Variants in ACTC1 observed in about 807,000 individuals in gnomAD.
ACTC1 encodes the protein actin, alpha cardiac muscle 1.
Under a neutral mutation model 31.6 loss-of-function variants are expected in ACTC1, and 10 were observed. The observed-to-expected ratio is 0.32, with a 90% CI of 0.19 to 0.54. ACTC1 has a LOEUF of 0.54. Ranked by LOEUF, ACTC1 falls within the 20% of genes least tolerant of loss-of-function variation. The pLI, the probability that ACTC1 is intolerant of heterozygous loss-of-function variation, is 0.95. For missense variants in ACTC1, 129 were observed against 506.4 expected, an observed-to-expected ratio of 0.25 and a Z score of 7.15; for synonymous variants, 196 against 185.0, an observed-to-expected ratio of 1.06 and a Z score of -0.48.
At chr15:34,794,036 G>A (rs1891761644) in intron 2 of ACTC1, among the ~76,000 whole-genome samples, 2 of 152,226 alleles carry the variant, frequency 1.3e-5, no homozygotes, top group African/African-American at 4.8e-5. Flanking sequence ...AATTCAGCCT[G>A]TCCAGAGCTG....
In ACTC1 at chr15:34,793,600, T is replaced by C; in HGVS notation, c.130-31A>G. The stretch of plus-strand genomic sequence containing the variant: ...AGAAGAAAAAATGAGAAAATCATGC[T>C]CTCACCATGTCAGGAATATAATCAG... On this transcript the variant is annotated intron_variant, in intron 2 of 6. Coordinates refer to ENST00000290378, the MANE Select transcript of ACTC1 (RefSeq NM_005159.5). This position sits in a 1 kb window ranked among gnomAD's most constrained non-coding sequence, Gnocchi z 4.8. The C allele has an allele frequency of 6.3e-7, 1 of 1,590,528 alleles. No individual in the cohort carries two copies. The highest frequency in any genetic ancestry group is 8.6e-7 in the Non-Finnish European group (1 of 1,159,614).
rs897737681 is a variant in ACTC1 at position 34,793,104 on chromosome 15, A to T, written c.454+141T>A. On this transcript the variant is annotated intron_variant, in intron 3 of 6. Transcript: ENST00000290378. The surrounding 1 kb of genome is among the most constrained non-coding windows in gnomAD (Gnocchi z 4.8). Reference sequence around the variant, plus strand: ...AAACTAACCTCAGGGCACTACTGTTAACTCTTTCTCTTAGCACAGACCTTG... The same window carrying T: ...AAACTAACCTCAGGGCACTACTGTTTACTCTTTCTCTTAGCACAGACCTTG... 1.2e-6 allele frequency: 1 copy of T among 849,422 alleles called. No homozygotes were observed. Among genetic ancestry groups the T allele is most frequent in the Non-Finnish European group, 1.9e-6 (1 of 537,268 alleles). The allele number at this position is 849,422 out of a possible 1,614,324, so 52.6% of individuals were successfully genotyped here.
chr15:34,790,523 G>A lies in ACTC1; in HGVS notation c.1023C>T (p.Val341=). 2 of 1,614,132 alleles carry A rather than the reference G, an allele frequency of 1.2e-6. No homozygotes were observed. Among genetic ancestry groups the A allele is most frequent in the South Asian group, 2.2e-5 (2 of 91,088 alleles). The part of the protein sequence containing the change: ...IIAPPERKYS[V]WIGGSILASL... ...AGGCCAGGATGGAGCCCCCAATCCA[G>A]ACAGAGTATTTACGCTCAGGGGGAG... Residue 341 remains valine (V), a synonymous_variant, in exon 7 of 7, where the codon GTC becomes GTT. Coordinates refer to ENST00000290378, the MANE Select transcript of ACTC1 (RefSeq NM_005159.5).
In ACTC1 at chr15:34,793,240, C is replaced by CAT. The variant is rs1284809593; in HGVS notation, c.454+3_454+4dup. ...ATCAGTAACTGTCCCCAGAGCCCAG[C>CAT]ATACCTGTGGTACGGCCAGAAGCAT... On this transcript the variant is annotated splice_donor_region_variant and intron_variant, in intron 3 of 6. Transcript: ENST00000290378. The surrounding 1 kb of genome is among the most constrained non-coding windows in gnomAD (Gnocchi z 4.8). 6.2e-7 allele frequency: 1 copy of CAT among 1,613,850 alleles called. No homozygotes were observed. Among genetic ancestry groups the CAT allele is most frequent in the Non-Finnish European group, 8.5e-7 (1 of 1,179,868 alleles).
rs761756548 is a variant in ACTC1 at position 34,794,667 on chromosome 15, G to A, written c.129+13C>T. 4.3e-6 allele frequency: 7 copies of A among 1,610,254 alleles called. No homozygotes were observed. In the East Asian group the frequency reaches 1.3e-4, roughly 31 times the overall value. On this transcript the variant is annotated intron_variant, in intron 2 of 6. Transcript: ENST00000290378. ...GGTCCCGAGTGGGACGGGGGGCTCG[G>A]CGGGAAGTTTACCTGGTGCCGCGGG... is the stretch of plus-strand genomic sequence containing the variant.
Position 34,791,599 on chromosome 15 carries a change from C to T in ACTC1, c.809-304G>A, listed in dbSNP as rs62006139. ...ATGTATTGGAAAAGGAAAAGATACA[C>T]GTTTAAACTAAAATGAATGTAATTT... On this transcript the variant is annotated intron_variant, in intron 5 of 6. Coordinates refer to ENST00000290378, the MANE Select transcript of ACTC1 (RefSeq NM_005159.5). 0.2 allele frequency: 81,779 copies of T among 412,762 alleles called. 8,716 individuals carry two copies. Among genetic ancestry groups the T allele is most frequent in the South Asian group, 0.27 (7,566 of 27,912 alleles). The allele number at this position is 412,762 out of a possible 1,614,324, so 25.6% of individuals were successfully genotyped here.
In ACTC1 at chr15:34,793,375, T is replaced by C; in HGVS notation, c.324A>G (p.Thr108=). 6.2e-7 allele frequency: 1 copy of C among 1,614,158 alleles called. No homozygotes were observed. The highest frequency in any genetic ancestry group is 1.6e-4 in the Middle Eastern group (1 of 6,062). The change falls in exon 3 of 7, where the codon ACA becomes ACG. Residue 108 remains threonine, a synonymous_variant. Transcript: ENST00000290378. The surrounding 1 kb of genome is among the most constrained non-coding windows in gnomAD (Gnocchi z 4.8). The part of the protein sequence containing the change: ...VAPEEHPTLL[T]EAPLNPKANR... Reference sequence around the variant, plus strand: ...TGGCCTTGGGGTTCAGCGGGGCCTCTGTGAGCAGGGTGGGGTGCTCCTCGG... The same window carrying C: ...TGGCCTTGGGGTTCAGCGGGGCCTCCGTGAGCAGGGTGGGGTGCTCCTCGG...
rs763452221 is a variant in ACTC1, at chr15:34,794,677, T to C, written c.129+3A>G. The C allele has an allele frequency of 3.1e-6, 5 of 1,611,260 alleles. No homozygotes were observed. Among genetic ancestry groups the C allele is most frequent in the Non-Finnish European group, 4.2e-6 (5 of 1,178,572 alleles). On this transcript the variant is annotated splice_donor_region_variant and intron_variant, in intron 2 of 6. Transcript: ENST00000290378. ...GGGACGGGGGGCTCGGCGGGAAGTTTACCTGGTGCCGCGGGCGGCCCACGA... is the reference window on the plus strand; with the variant it reads ...GGGACGGGGGGCTCGGCGGGAAGTTCACCTGGTGCCGCGGGCGGCCCACGA...
chr15:34,793,002 G>A lies in ACTC1; in HGVS notation c.454+243C>T, dbSNP rs917685701. Among the ~76,000 whole-genome samples the A allele has an allele frequency of 3.3e-5, 5 of 152,128 alleles. 1 individual carries two copies. The South Asian group carries it at 1.0e-3, about 32-fold the overall frequency. On this transcript the variant is annotated intron_variant, in intron 3 of 6. Transcript: ENST00000290378. The surrounding 1 kb of genome is among the most constrained non-coding windows in gnomAD (Gnocchi z 4.8). ...AACAATGACTGCTGCACTCCAAGCT[G>A]CTACACTGCGCTGAGCTTTAAATGA...
rs2140430578 is a variant in ACTC1 at position 34,792,178 on chromosome 15, C to T, written c.720G>A (p.Lys240=). ...CTTGGCCATCAGGCAGTTCATAGCT[C>T]TTCTCCAGGGAGGAGGAAGAGGCAG... is the stretch of plus-strand genomic sequence containing the variant. The part of the protein sequence containing the change: ...ATAASSSSLE[K]SYELPDGQVI... Residue 240 remains lysine, a synonymous_variant, in exon 5 of 7, where the codon AAG becomes AAA. Coordinates refer to ENST00000290378, the MANE Select transcript of ACTC1 (RefSeq NM_005159.5). This position sits in a 1 kb window ranked among gnomAD's most constrained non-coding sequence, Gnocchi z 5.3. 6.2e-7 allele frequency: 1 copy of T among 1,614,248 alleles called. No individual in the cohort carries two copies. Among genetic ancestry groups the T allele is most frequent in the Non-Finnish European group, 8.5e-7 (1 of 1,180,036 alleles).
intron 1 of ACTC1, among the ~76,000 whole-genome samples, 174 bp from the exon 2 acceptor site, chr15:34,795,004 G>C (rs902914885): frequency 2.6e-5 from 4 of 152,176 alleles, no homozygotes; most frequent in African/African-American, 9.7e-5. Context: ...GAGGGAAGAA[G>C]CCGCGGAGGA....
rs749539033 is a variant in ACTC1 at position 34,792,393 on chromosome 15, GAC to G, written c.616+13_616+14del. 236 of 1,614,066 alleles carry G rather than the reference GAC, an allele frequency of 1.5e-4. No homozygotes were observed. The highest frequency in any genetic ancestry group is 1.9e-4 in the Non-Finnish European group (223 of 1,180,014). On this transcript the variant is annotated intron_variant, in intron 4 of 6. Transcript: ENST00000290378. This position sits in a 1 kb window ranked among gnomAD's most constrained non-coding sequence, Gnocchi z 5.3. ...AGCAGACCCACACTGTGGCAGATGAGACACACACACTCACCAGTGGTGACAAA... is the reference window on the plus strand; with the variant it reads ...AGCAGACCCACACTGTGGCAGATGAGACACACACTCACCAGTGGTGACAAA...
At chr15:34,794,958 C>G in intron 1 of ACTC1, 128 bp from the exon 2 acceptor site, 1 of 876,216 alleles carries the variant, frequency 1.1e-6, no homozygotes, top group Non-Finnish European at 1.7e-6. Flanking sequence ...GCGGGGAACA[C>G]TCCTGCCACC....
chr15:34,790,463 C>T lies in ACTC1; in HGVS notation c.1083G>A (p.Lys361=), dbSNP rs754736799. Residue 361 remains lysine, a synonymous_variant, in exon 7 of 7, where the codon AAG becomes AAA. Coordinates refer to ENST00000290378, the MANE Select transcript of ACTC1 (RefSeq NM_005159.5). ...ATGGGCCTGCCTCATCGTACTCTTG[C>T]TTGCTAATCCACATTTGCTGGAAGG... The part of the protein sequence containing the change: ...LSTFQQMWIS[K]QEYDEAGPSI... The T allele has an allele frequency of 6.2e-7, 1 of 1,614,190 alleles. No individual in the cohort carries two copies. The highest frequency in any genetic ancestry group is 1.7e-5 in the Admixed American group (1 of 60,024).
chr15:34,792,137 T>C lies in ACTC1; in HGVS notation c.761A>G (p.Asn254Ser). The C allele has an allele frequency of 6.2e-7, 1 of 1,614,228 alleles. No homozygotes were observed. The highest frequency in any genetic ancestry group is 1.1e-5 in the South Asian group (1 of 91,086). The change falls in exon 5 of 7, where the codon AAT becomes AGT. Residue 254 changes from asparagine to serine, a missense_variant. Transcript: ENST00000290378. The surrounding 1 kb of genome is among the most constrained non-coding windows in gnomAD (Gnocchi z 5.3). ...TGTCTCAGGACAGCGGAAGCGCTCA[T>C]TGCCAATAGTGATGACTTGGCCATC... ...LPDGQVITIG[N>S]ERFRCPETLF... is the part of the protein sequence containing the mutation.
In ACTC1 at chr15:34,792,682, G is replaced by A. The variant is rs1891729534; in HGVS notation, c.455-113C>T. The A allele has an allele frequency of 4.4e-6, 5 of 1,130,542 alleles. No individual in the cohort carries two copies. The highest frequency in any genetic ancestry group is 1.5e-5 in the African/African-American group (1 of 65,062). 70.0% of individuals were successfully genotyped at this position (1,130,542 alleles called of 1,614,324 possible). On this transcript the variant is annotated intron_variant, in intron 3 of 6. Coordinates refer to ENST00000290378, the MANE Select transcript of ACTC1 (RefSeq NM_005159.5). This position sits in a 1 kb window ranked among gnomAD's most constrained non-coding sequence, Gnocchi z 5.3. The stretch of plus-strand genomic sequence containing the variant: ...CTAAGAGATGCTAGCAATGGGCATT[G>A]ATCCAGATAAAATTAGATTCCTTAC...
chr15:34,794,743 G>A lies in ACTC1; in HGVS notation c.66C>T (p.Gly22=), dbSNP rs1060504729. The A allele has an allele frequency of 1.2e-6, 2 of 1,613,652 alleles. No homozygotes were observed. The highest frequency in any genetic ancestry group is 1.7e-5 in the Admixed American group (1 of 60,014). Residue 22 remains glycine, a synonymous_variant, in exon 2 of 7, where the codon GGC becomes GGT. Transcript: ENST00000290378. ...CDNGSGLVKA[G]FAGDDAPRAV... is the part of the protein sequence containing the mutation. ...CGCGGGGCGCGTCATCGCCCGCAAA[G>A]CCGGCCTTCACCAGCCCAGAGCCGT...
intron 5 of ACTC1, 153 bp downstream of exon 5, chr15:34,791,937 A>T: frequency 2.8e-6 from 2 of 723,898 alleles, no homozygotes; most frequent in Non-Finnish European, 4.6e-6. Flanking sequence ...CTTCCCCTTT[A>T]ATGAGCCATC....
chr15:34,794,755 C>A lies in ACTC1; in HGVS notation c.54G>T (p.Leu18=). The A allele has an allele frequency of 6.2e-7, 1 of 1,613,674 alleles. No homozygotes were observed. The highest frequency in any genetic ancestry group is 8.5e-7 in the Non-Finnish European group (1 of 1,179,860). Reference sequence around the variant, plus strand: ...CATCGCCCGCAAAGCCGGCCTTCACCAGCCCAGAGCCGTTGTCGCACACCA... The same window carrying A: ...CATCGCCCGCAAAGCCGGCCTTCACAAGCCCAGAGCCGTTGTCGCACACCA... The part of the protein sequence containing the change: ...TALVCDNGSG[L]VKAGFAGDDA... The change falls in exon 2 of 7, where the codon CTG becomes CTT. Residue 18 remains leucine, a synonymous_variant. Coordinates refer to ENST00000290378, the MANE Select transcript of ACTC1 (RefSeq NM_005159.5).
Sources: allele counts gnomAD v4.1 joint callset (sites outside exome capture counted in the v4.1 genomes callset), GRCh38; gene constraint gnomAD v4.1.1; non-coding constraint Gnocchi (gnomAD v3.1); transcripts MANE v1.5; gene names NCBI Gene and HGNC (gene_info 2026-07-23, HGNC 2026-07-21).